The following UMPS variants were observed in gnomAD, a reference collection of about 807,000 sequenced individuals.
UMPS encodes the protein uridine 5'-monophosphate synthase.
UMPS carries 21 observed loss-of-function variants against 38.9 expected under a neutral mutation model. That is an observed-to-expected ratio of 0.54 (90% CI 0.38 to 0.78). The LOEUF (loss-of-function observed/expected upper bound fraction) is 0.78. UMPS is among the 30% of genes least tolerant of loss of function. The pLI is 0.00. For missense variants in UMPS, 533 were observed against 591.6 expected, an observed-to-expected ratio of 0.90 and a Z score of 1.03; for synonymous variants, 208 against 219.3, an observed-to-expected ratio of 0.95 and a Z score of 0.45.
At position 124,742,097 on chromosome 3, in the gene UMPS, T is replaced by G. The variant is rs1367875622; in HGVS notation, c.1159-55T>G. 12 of 1,355,106 alleles carry G rather than the reference T, an allele frequency of 8.9e-6. No individual in the cohort carries two copies. The East Asian group carries it at 2.1e-4, about 23-fold the overall frequency. The allele number at this position is 1,355,106 out of a possible 1,614,324, so 83.9% of individuals were successfully genotyped here. ...GAAAAAATAGAGCATATTTTTACTT[T>G]TATTCTGTGTGATTAACTGTTTTCT... is the stretch of plus-strand genomic sequence containing the variant. On this transcript the variant is annotated intron_variant, in intron 4 of 5. Transcript: ENST00000232607.
Position 124,745,704 on chromosome 3 carries a change from C to T in UMPS, c.*1620C>T, listed in dbSNP as rs2080731130. The T allele has an allele frequency of 4.4e-6, 2 of 454,056 alleles. No individual in the cohort carries two copies. The highest frequency in any genetic ancestry group is 1.6e-5 in the South Asian group (1 of 64,468). 28.1% of individuals were successfully genotyped at this position (454,056 alleles called of 1,614,324 possible). Reference sequence around the variant, plus strand: ...GGAAGGGAGTTGGCCCTCAGGGCTACTCTGGGGAAGCCAAAAGTCATGAAG... The same window carrying T: ...GGAAGGGAGTTGGCCCTCAGGGCTATTCTGGGGAAGCCAAAAGTCATGAAG... On this transcript the variant is annotated 3_prime_UTR_variant, in exon 6 of 6. Coordinates refer to ENST00000232607, the MANE Select transcript of UMPS (RefSeq NM_000373.4).
Position 124,747,116 on chromosome 3 carries a change from G to C in UMPS, c.*3032G>C. 1 of 453,904 alleles carries C rather than the reference G, an allele frequency of 2.2e-6. No individual in the cohort carries two copies. The allele number at this position is 453,904 out of a possible 1,614,324, so 28.1% of individuals were successfully genotyped here. A position where few individuals can be genotyped will look rare whatever the true frequency, so the allele number is the denominator to read the frequency against. ...GCTCAAGCGATCCGCTCAAGTAGCTGGAACTACTCTCAAGTAGCTCTCAAG... is the reference window on the plus strand; with the variant it reads ...GCTCAAGCGATCCGCTCAAGTAGCTCGAACTACTCTCAAGTAGCTCTCAAG... On this transcript the variant is annotated 3_prime_UTR_variant, in exon 6 of 6. Transcript: ENST00000232607.
Position 124,749,231 on chromosome 3 carries a change from T to A in UMPS, c.*5147T>A, listed in dbSNP as rs1357130315. The A allele has an allele frequency of 2.0e-5, 9 of 453,384 alleles. No individual in the cohort carries two copies. Among genetic ancestry groups the A allele is most frequent in the Non-Finnish European group, 4.0e-5 (9 of 226,620 alleles). The allele number at this position is 453,384 out of a possible 1,614,324, so 28.1% of individuals were successfully genotyped here. ...GTTAAAAAAAATATATACATAAAAATATGGGTTCTTTTCAACCTGAATAGA... is the reference window on the plus strand; with the variant it reads ...GTTAAAAAAAATATATACATAAAAAAATGGGTTCTTTTCAACCTGAATAGA... On this transcript the variant is annotated 3_prime_UTR_variant, in exon 6 of 6. Coordinates refer to ENST00000232607, the MANE Select transcript of UMPS (RefSeq NM_000373.4).
intron 1 of UMPS, among the ~76,000 whole-genome samples, chr3:124,731,312 A>T (rs1044630285): frequency 6.6e-6 from 1 of 152,188 alleles, no homozygotes; most frequent in Non-Finnish European, 1.5e-5. Context: ...TCTGTGATGT[A>T]TACAAAATTT....
rs549343003 is a variant in UMPS, at chr3:124,743,216, C to G, written c.1274-699C>G. Among the ~76,000 whole-genome samples, 18 of 152,260 alleles carry G rather than the reference C, an allele frequency of 1.2e-4. No individual in the cohort carries two copies. In the South Asian group the frequency reaches 3.7e-3, roughly 32 times the overall value. On this transcript the variant is annotated intron_variant, in intron 5 of 5. Coordinates refer to ENST00000232607, the MANE Select transcript of UMPS (RefSeq NM_000373.4). ...GGGCGTGGTGGTGCACGCTTTTAAT[C>G]CCAGCTACTCGGGAGGCTGAGGCAG... is the stretch of plus-strand genomic sequence containing the variant.
intron 4 of UMPS, 96 bp downstream of exon 4, chr3:124,740,295 C>T: frequency 1.5e-6 from 2 of 1,304,242 alleles, no homozygotes; most frequent in Non-Finnish European, 1.1e-6. Context: ...GGAACCTCTG[C>T]CAAAAAAAAA....
At position 124,746,279 on chromosome 3, in the gene UMPS, G is replaced by T. The variant is rs765883015; in HGVS notation, c.*2195G>T. 9 of 453,850 alleles carry T rather than the reference G, an allele frequency of 2.0e-5. No individual in the cohort carries two copies. The highest frequency in any genetic ancestry group is 4.0e-5 in the Non-Finnish European group (9 of 226,810). 28.1% of individuals were successfully genotyped at this position (453,850 alleles called of 1,614,324 possible). A position where few individuals can be genotyped will look rare whatever the true frequency, so the allele number is the denominator to read the frequency against. ...CCAGCCCCTGCCACTTACTGAAAGTGTAGGTCCTTGTGCCCCACACCATCA... is the reference window on the plus strand; with the variant it reads ...CCAGCCCCTGCCACTTACTGAAAGTTTAGGTCCTTGTGCCCCACACCATCA... On this transcript the variant is annotated 3_prime_UTR_variant, in exon 6 of 6. Coordinates refer to ENST00000232607, the MANE Select transcript of UMPS (RefSeq NM_000373.4).
In UMPS at chr3:124,742,139, A is replaced by C. The variant is rs1432338144; in HGVS notation, c.1159-13A>C. On this transcript the variant is annotated splice_polypyrimidine_tract_variant and intron_variant, in intron 4 of 5. Coordinates refer to ENST00000232607, the MANE Select transcript of UMPS (RefSeq NM_000373.4). The stretch of plus-strand genomic sequence containing the variant: ...CTGTTTTCTTATAATATGTCCTATT[A>C]CATTCCATTTAGGTTAGAATGGCTG... The C allele has an allele frequency of 6.3e-7, 1 of 1,578,710 alleles. No homozygotes were observed. The highest frequency in any genetic ancestry group is 1.4e-5 in the African/African-American group (1 of 73,958).
In UMPS at chr3:124,745,656, A is replaced by G. The variant is rs2063591244; in HGVS notation, c.*1572A>G. 1 of 453,914 alleles carries G rather than the reference A, an allele frequency of 2.2e-6. No homozygotes were observed. Among genetic ancestry groups the G allele is most frequent in the Admixed American group, 2.4e-5 (1 of 42,536 alleles). The allele number at this position is 453,914 out of a possible 1,614,324, so 28.1% of individuals were successfully genotyped here. On this transcript the variant is annotated 3_prime_UTR_variant, in exon 6 of 6. Transcript: ENST00000232607. The stretch of plus-strand genomic sequence containing the variant: ...CTGTGGGAGAGACCAACTCTCAAGG[A>G]AGAAGTGGCCACAGAAGGAGCAGGA...
Position 124,738,420 on chromosome 3 carries a change from C to T in UMPS, c.982+181C>T. 3 of 660,432 alleles carry T rather than the reference C, an allele frequency of 4.5e-6. No individual in the cohort carries two copies. In the South Asian group the frequency reaches 5.4e-5, roughly 12 times the overall value. The allele number at this position is 660,432 out of a possible 1,614,324, so 40.9% of individuals were successfully genotyped here. ...TCTCTCCATCTCTCAGCTCTGCTTT[C>T]TTCTCTGTTGACTTCTTTCTCAGGT... On this transcript the variant is annotated intron_variant, in intron 3 of 5. Coordinates refer to ENST00000232607, the MANE Select transcript of UMPS (RefSeq NM_000373.4).
At chr3:124,730,842 A>G (rs565305112) in intron 1 of UMPS, among the ~76,000 whole-genome samples, 67 of 152,290 alleles carry the variant, frequency 4.4e-4, no homozygotes, top group African/African-American at 1.5e-3. Context: ...ACGCTTAGAC[A>G]CGTGTTTTGC....
At chr3:124,737,487 G>A in intron 2 of UMPS, 81 bp from the exon 3 acceptor site, 2 of 1,371,836 alleles carry the variant, frequency 1.5e-6, no homozygotes, top group East Asian at 2.3e-5. Flanking sequence ...GGCAAGTTTT[G>A]TATACAGAGT....
In UMPS at chr3:124,748,646, T is replaced by C. The variant is rs2063621524; in HGVS notation, c.*4562T>C. On this transcript the variant is annotated 3_prime_UTR_variant, in exon 6 of 6. Transcript: ENST00000232607. Reference sequence around the variant, plus strand: ...CCAGGGAAGGAGGGAGGAAGGGCAGTTGACACCCAAAATAAGGGTGGGGAA... The same window carrying C: ...CCAGGGAAGGAGGGAGGAAGGGCAGCTGACACCCAAAATAAGGGTGGGGAA... The C allele has an allele frequency of 6.6e-6, 3 of 453,864 alleles. No homozygotes were observed. Among genetic ancestry groups the C allele is most frequent in the South Asian group, 4.7e-5 (3 of 64,460 alleles). 28.1% of individuals were successfully genotyped at this position (453,864 alleles called of 1,614,324 possible).
rs976796543 is a variant in UMPS at position 124,742,377 on chromosome 3, C to T, written c.1273+111C>T. Reference sequence around the variant, plus strand: ...CTTGCTTAAGAAAAGCCTTCTTAGTCTAGAACAATAATGAATGAGCCCTTT... The same window carrying T: ...CTTGCTTAAGAAAAGCCTTCTTAGTTTAGAACAATAATGAATGAGCCCTTT... On this transcript the variant is annotated intron_variant, in intron 5 of 5. Coordinates refer to ENST00000232607, the MANE Select transcript of UMPS (RefSeq NM_000373.4). 4.0e-5 allele frequency: 33 copies of T among 817,364 alleles called. No individual in the cohort carries two copies. In the Admixed American group the frequency reaches 5.9e-4, roughly 15 times the overall value. The allele number at this position is 817,364 out of a possible 1,614,324, so 50.6% of individuals were successfully genotyped here. A position where few individuals can be genotyped will look rare whatever the true frequency, so the allele number is the denominator to read the frequency against.
intron 2 of UMPS, 96 bp downstream of exon 2, chr3:124,735,342 A>T: frequency 8.5e-7 from 1 of 1,178,626 alleles, no homozygotes; most frequent in Non-Finnish European, 1.2e-6. Flanking sequence ...TTTACCAGTC[A>T]TCTTGAGTTC....
Position 124,744,264 on chromosome 3 carries a change from C to T in UMPS, c.*180C>T, listed in dbSNP as rs896259932. 7 of 743,444 alleles carry T rather than the reference C, an allele frequency of 9.4e-6. No individual in the cohort carries two copies. The highest frequency in any genetic ancestry group is 5.7e-5 in the East Asian group (2 of 34,914). The allele number at this position is 743,444 out of a possible 1,614,324, so 46.1% of individuals were successfully genotyped here. A position where few individuals can be genotyped will look rare whatever the true frequency, so the allele number is the denominator to read the frequency against. On this transcript the variant is annotated 3_prime_UTR_variant, in exon 6 of 6. Transcript: ENST00000232607. Reference sequence around the variant, plus strand: ...GAAATATTGAGTAATTTGTAATCACCGCATTGATACTATAATAAGTTCATT... The same window carrying T: ...GAAATATTGAGTAATTTGTAATCACTGCATTGATACTATAATAAGTTCATT...
chr3:124,744,250 T>C lies in UMPS; in HGVS notation c.*166T>C. On this transcript the variant is annotated 3_prime_UTR_variant, in exon 6 of 6. Transcript: ENST00000232607. The stretch of plus-strand genomic sequence containing the variant: ...CTCATGGTCTTTAGGAAATATTGAG[T>C]AATTTGTAATCACCGCATTGATACT... The C allele has an allele frequency of 1.2e-6, 1 of 813,610 alleles. No individual in the cohort carries two copies. Among genetic ancestry groups the C allele is most frequent in the Non-Finnish European group, 2.0e-6 (1 of 492,944 alleles). The allele number at this position is 813,610 out of a possible 1,614,324, so 50.4% of individuals were successfully genotyped here.
intron 1 of UMPS, among the ~76,000 whole-genome samples, chr3:124,731,901 T>A (rs1366819625): frequency 2.8e-5 from 4 of 144,658 alleles, no homozygotes; most frequent in Non-Finnish European, 4.5e-5. Context: ...AAAAAAGAGA[T>A]CCTCTTACCT....
rs1466813877 is a variant in UMPS, at chr3:124,746,669, ATGTC to A, written c.*2589_*2592del. ...CCCATGTCTCCATGGGGTGCACAGA[ATGTC>A]TGTGAGACTGATGGAGTGGAGAACG... On this transcript the variant is annotated 3_prime_UTR_variant, in exon 6 of 6. Coordinates refer to ENST00000232607, the MANE Select transcript of UMPS (RefSeq NM_000373.4). 15 of 453,292 alleles carry A rather than the reference ATGTC, an allele frequency of 3.3e-5. No homozygotes were observed. In the East Asian group the frequency reaches 3.5e-4, roughly 11 times the overall value. The allele number at this position is 453,292 out of a possible 1,614,324, so 28.1% of individuals were successfully genotyped here.
Sources: gnomAD v4.1 joint callset for allele counts (sites outside exome capture counted in the v4.1 genomes callset) on GRCh38, gnomAD v4.1.1 for gene constraint, MANE v1.5 for transcripts, NCBI Gene and HGNC (gene_info 2026-07-23, HGNC 2026-07-21) for gene names.